Variants in LRRC20 observed in about 807,000 individuals in gnomAD.
LRRC20 encodes the protein leucine rich repeat containing 20.
LRRC20 carries 11 observed loss-of-function variants against 14.4 expected under a neutral mutation model. The observed-to-expected ratio is 0.77, with a 90% CI of 0.48 to 1.27. The LOEUF (loss-of-function observed/expected upper bound fraction) is 1.27, where lower values mean the gene tolerates loss of function less well. Ranked by LOEUF, LRRC20 falls within the 50% of genes most tolerant of loss-of-function variation. LRRC20 has a pLI of 0.00. For synonymous variants in LRRC20, 121 were observed against 107.3 expected (o/e 1.13, Z -0.79); for missense variants, 219 against 251.2 (o/e 0.87, Z 0.87).
chr10:70,369,773 T>A lies in LRRC20; in HGVS notation c.82+6679A>T, dbSNP rs113832376. On this transcript the variant is annotated intron_variant, in intron 2 of 4. Coordinates refer to ENST00000446961, the MANE Select transcript of LRRC20 (RefSeq NM_001278212.2). ...AAAACCAGCAAACTGTTTACCACGA[T>A]GCCTGGCATTTAATAAGGGCAAGTC... 7.0e-4 allele frequency among the ~76,000 whole-genome samples: 107 copies of A among 152,246 alleles called. No individual in the cohort carries two copies. The Middle Eastern group carries it at 0.01, about 15-fold the overall frequency.
At chr10:70,338,949 C>T (rs1204462728) in intron 3 of LRRC20, among the ~76,000 whole-genome samples, 1 of 152,258 alleles carries the variant, frequency 6.6e-6, no homozygotes, top group Non-Finnish European at 1.5e-5. Flanking sequence ...GCGTGAGCCA[C>T]TGCACCTGGC....
intron 3 of LRRC20, among the ~76,000 whole-genome samples, chr10:70,331,874 T>C (rs116329861): frequency 0.016 from 2,467 of 152,312 alleles, 89 homozygotes; most frequent in African/African-American, 0.057. Context: ...GTTCCTCTTA[T>C]TACTTCCTGT....
Position 70,337,978 on chromosome 10 carries a change from T to A in LRRC20, c.232+2575A>T, listed in dbSNP as rs369086075. 6.6e-5 allele frequency among the ~76,000 whole-genome samples: 10 copies of A among 152,282 alleles called. No individual in the cohort carries two copies. The South Asian group carries it at 2.1e-3, about 32-fold the overall frequency. On this transcript the variant is annotated intron_variant, in intron 3 of 4. Coordinates refer to ENST00000446961, the MANE Select transcript of LRRC20 (RefSeq NM_001278212.2). Reference sequence around the variant, plus strand: ...AGCCCCACCCTCCATTTTCAATCATTCTATCCTCCTCGGGAAAGCAAACAT... The same window carrying A: ...AGCCCCACCCTCCATTTTCAATCATACTATCCTCCTCGGGAAAGCAAACAT...
chr10:70,301,534 A>G, intron 4 of LRRC20, 26 bp from the exon 5 acceptor site: 1 of 1,607,908 alleles, frequency 6.2e-7, no homozygotes, highest in Non-Finnish European at 8.5e-7. Flanking sequence ...TGGACAGGTT[A>G]GAGTGGTGGA....
intron 2 of LRRC20, among the ~76,000 whole-genome samples, chr10:70,362,765 T>C (rs1212821410): frequency 6.6e-6 from 1 of 152,202 alleles, no homozygotes; most frequent in Non-Finnish European, 1.5e-5. Flanking sequence ...TTTGGAAATG[T>C]CTGGAGACAA....
intron 3 of LRRC20, among the ~76,000 whole-genome samples, chr10:70,327,195 G>A (rs61856824): frequency 0.011 from 1,732 of 152,340 alleles, 12 homozygotes; most frequent in Middle Eastern, 0.017. Context: ...TAGGCTAAGG[G>A]ATGCCCAGAC....
chr10:70,377,760 G>A (rs955820946), intron 1 of LRRC20, among the ~76,000 whole-genome samples: 3 of 152,218 alleles, frequency 2.0e-5, no homozygotes, highest in African/African-American at 7.2e-5. Context: ...AAGCAGGGCA[G>A]GCAAGGCCAA....
At chr10:70,329,167 G>T (rs1187126645) in intron 3 of LRRC20, among the ~76,000 whole-genome samples, 1 of 152,214 alleles carries the variant, frequency 6.6e-6, no homozygotes, top group Non-Finnish European at 1.5e-5. Context: ...TCGTGGCAAT[G>T]AGACAGACTA....
intron 2 of LRRC20, among the ~76,000 whole-genome samples, chr10:70,354,721 T>G: frequency 6.6e-6 from 1 of 152,172 alleles, no homozygotes; most frequent in East Asian, 1.9e-4. Flanking sequence ...GGAAATTTTT[T>G]GTGCCCTGGG....
intron 2 of LRRC20, among the ~76,000 whole-genome samples, chr10:70,370,536 G>C (rs1239401805): frequency 6.6e-6 from 1 of 152,100 alleles, no homozygotes; most frequent in Non-Finnish European, 1.5e-5. Context: ...GGGAGTTCAA[G>C]ACTAGCCTGG....
At chr10:70,350,299 C>A (rs973917086) in intron 2 of LRRC20, among the ~76,000 whole-genome samples, 1 of 152,180 alleles carries the variant, frequency 6.6e-6, no homozygotes, top group Non-Finnish European at 1.5e-5. Flanking sequence ...GAGGCGGTAG[C>A]AGTACAATAA....
intron 2 of LRRC20, among the ~76,000 whole-genome samples, chr10:70,374,262 G>A (rs1248598304): frequency 1.3e-5 from 2 of 151,852 alleles, no homozygotes; most frequent in Admixed American, 6.6e-5. Context: ...CAACGCCCCG[G>A]TGAGAATTGT....
intron 2 of LRRC20, among the ~76,000 whole-genome samples, chr10:70,344,202 A>C (rs573167731): frequency 6.6e-6 from 1 of 152,282 alleles, no homozygotes; most frequent in Admixed American, 6.5e-5. Flanking sequence ...CTTGTCTGAA[A>C]AAAAGAAAAG....
chr10:70,324,166 C>T (rs949537402), intron 3 of LRRC20, 136 bp from the exon 4 acceptor site: 15 of 724,828 alleles, frequency 2.1e-5, no homozygotes, highest in African/African-American at 1.2e-4. Context: ...GAGGGAGCCC[C>T]GCACAGGGCT....
chr10:70,381,378 T>A (rs1477943882), intron 1 of LRRC20: 1 of 152,236 alleles, frequency 6.6e-6, no homozygotes, highest in Non-Finnish European at 1.5e-5. Context: ...GAGCTGGCAA[T>A]ACAGCCCTCC....
At chr10:70,369,706 A>G (rs1056363753) in intron 2 of LRRC20, among the ~76,000 whole-genome samples, 4 of 151,916 alleles carry the variant, frequency 2.6e-5, no homozygotes, top group African/African-American at 9.7e-5. Context: ...GAGTATTAAC[A>G]TCACCTTTGT....
chr10:70,318,522 G>A (rs1160107890), intron 4 of LRRC20, among the ~76,000 whole-genome samples: 2 of 152,196 alleles, frequency 1.3e-5, no homozygotes, highest in Non-Finnish European at 1.5e-5. Flanking sequence ...GGGAGGCCGA[G>A]GCGGGCAGAT....
chr10:70,316,138 A>T (rs552315218), intron 4 of LRRC20, among the ~76,000 whole-genome samples: 1 of 151,808 alleles, frequency 6.6e-6, no homozygotes, highest in South Asian at 2.1e-4. Flanking sequence ...AATTTTATTT[A>T]TTTTTTTCTT....
rs778987023 is a variant in LRRC20, at chr10:70,301,505, A to C, written c.404T>G (p.Val135Gly). 19 of 1,613,744 alleles carry C rather than the reference A, an allele frequency of 1.2e-5. No homozygotes were observed. The highest frequency in any genetic ancestry group is 1.6e-5 in the Non-Finnish European group (19 of 1,179,936). Reference sequence around the variant, plus strand: ...CATGGCGGCCAGCTTCTCCACGGGCACATCTATTGGGGACAGAATGGACAG... The same window carrying C: ...CATGGCGGCCAGCTTCTCCACGGGCCCATCTATTGGGGACAGAATGGACAG... ...INLEENEIVD[V>G]PVEKLAAMPA... Residue 135 changes from valine (V) to glycine (G), a missense_variant, in exon 5 of 5, where the codon GTG becomes GGG. Val to Gly is a moderately radical substitution (Grantham distance 109). Coordinates refer to ENST00000446961, the MANE Select transcript of LRRC20 (RefSeq NM_001278212.2).
Sources: allele counts gnomAD v4.1 joint callset (sites outside exome capture counted in the v4.1 genomes callset), GRCh38; gene constraint gnomAD v4.1.1; transcripts MANE v1.5; gene names NCBI Gene and HGNC (gene_info 2026-07-23, HGNC 2026-07-21).